IFT43: variants seen among roughly 807,000 people sequenced by gnomAD.
The protein encoded by IFT43 is intraflagellar transport protein 43 homolog.
IFT43 carries 33 observed loss-of-function variants against 32.3 expected under a neutral mutation model. That is an observed-to-expected ratio of 1.02 (90% confidence interval 0.77 to 1.37). IFT43 has a LOEUF of 1.37. Ranked by LOEUF, IFT43 falls within the 40% of genes most tolerant of loss-of-function variation. The pLI is 0.00. For synonymous variants in IFT43, 93 were observed against 98.2 expected, an observed-to-expected ratio of 0.95 and a Z score of 0.31; for missense variants, 274 against 265.9, an observed-to-expected ratio of 1.03 and a Z score of -0.21.
chr14:76,066,718 G>C (rs1172406907), intron 5 of IFT43, among the ~76,000 whole-genome samples: 1 of 152,198 alleles, frequency 6.6e-6, no homozygotes. Context: ...TCACATCCAG[G>C]CTCTTTGAGG....
chr14:76,031,362 A>G (rs1418186112), intron 3 of IFT43, among the ~76,000 whole-genome samples: 1 of 152,172 alleles, frequency 6.6e-6, no homozygotes, highest in Non-Finnish European at 1.5e-5. Context: ...TCGTATTCTA[A>G]ATCTTTGTAC....
At chr14:76,000,922 A>G (rs2035873015) in intron 2 of IFT43, among the ~76,000 whole-genome samples, 1 of 152,186 alleles carries the variant, frequency 6.6e-6, no homozygotes, top group African/African-American at 2.4e-5. Flanking sequence ...TGCCTTCAGG[A>G]TTTTCAAAGA....
intron 2 of IFT43, among the ~76,000 whole-genome samples, chr14:76,000,872 A>G (rs2035871898): frequency 6.6e-6 from 1 of 152,298 alleles, no homozygotes. Context: ...GTGAACAAGA[A>G]AGGATAATTA....
intron 3 of IFT43, among the ~76,000 whole-genome samples, chr14:76,039,994 C>T (rs2036677321): frequency 6.6e-6 from 1 of 152,166 alleles, no homozygotes. Flanking sequence ...ACTCTGTCAC[C>T]CAGGCTGGAG....
intron 2 of IFT43, among the ~76,000 whole-genome samples, chr14:75,999,189 TTA>T (rs1357990316): frequency 1.9e-5 from 2 of 104,868 alleles, no homozygotes; most frequent in African/African-American, 4.0e-5. Context: ...ATTCATTCAT[TTA>T]TATATATATA....
At chr14:76,075,604 C>T (rs1221640891) in intron 5 of IFT43, among the ~76,000 whole-genome samples, 4 of 152,220 alleles carry the variant, frequency 2.6e-5, no homozygotes, top group African/African-American at 9.6e-5. Context: ...CCATGAAATG[C>T]ATGGAGTGTC....
chr14:76,023,804 A>G (rs2036339624), intron 3 of IFT43, among the ~76,000 whole-genome samples: 1 of 152,222 alleles, frequency 6.6e-6, no homozygotes, highest in Admixed American at 6.5e-5. Context: ...ATTATGAAGA[A>G]TCTTCTTTAA....
intron 2 of IFT43, among the ~76,000 whole-genome samples, chr14:76,011,543 CATGTAATAT>C (rs2036085541): frequency 6.6e-6 from 1 of 152,202 alleles, no homozygotes; most frequent in Non-Finnish European, 1.5e-5. Flanking sequence ...CTGCAACTAG[CATGTAATAT>C]ATGGGTTGAT....
At chr14:76,007,346 A>C (rs2035998450) in intron 2 of IFT43, among the ~76,000 whole-genome samples, 1 of 152,160 alleles carries the variant, frequency 6.6e-6, no homozygotes, top group Non-Finnish European at 1.5e-5. Context: ...GTGGGGAATG[A>C]AGCCAGGCAT....
chr14:75,987,835 T>G (rs994287811), intron 1 of IFT43, among the ~76,000 whole-genome samples: 1 of 152,208 alleles, frequency 6.6e-6, no homozygotes, highest in African/African-American at 2.4e-5. Flanking sequence ...TGCTCTGATT[T>G]CCAAAGATAA....
chr14:76,076,566 G>T, intron 5 of IFT43: 1 of 1,613,654 alleles, frequency 6.2e-7, no homozygotes, highest in Non-Finnish European at 8.5e-7. Flanking sequence ...TGCAAGCTGA[G>T]TCCAATCTAA....
At chr14:76,059,066 G>C (rs1295210833) in intron 4 of IFT43, 1 of 1,427,600 alleles carries the variant, frequency 7.0e-7, no homozygotes, top group Non-Finnish European at 9.1e-7. Flanking sequence ...GGGCCACCCA[G>C]TTTCCTACTC....
rs148954383 is a variant in IFT43 at position 76,067,422 on chromosome 14, T to C, written c.295+8049T>C. 2.6e-5 allele frequency among the ~76,000 whole-genome samples: 4 copies of C among 151,488 alleles called. No individual in the cohort carries two copies. In the East Asian group the frequency reaches 7.7e-4, roughly 29 times the overall value. ...CTCTACTAAAAATTAAAAAAAAAAT[T>C]AGTCGTGTGTGGTGGTGCACGCCTG... On this transcript the variant is annotated intron_variant, in intron 5 of 8. Transcript: ENST00000314067.
intron 2 of IFT43, among the ~76,000 whole-genome samples, chr14:75,997,060 G>A (rs1182201974): frequency 6.6e-6 from 1 of 152,216 alleles, no homozygotes; most frequent in Non-Finnish European, 1.5e-5. Flanking sequence ...CAAAAAGGTG[G>A]TCCAGGAAGA....
At chr14:76,083,813 G>C, downstream of IFT43, 1 of 663,226 alleles carries the variant, frequency 1.5e-6, no homozygotes. Context: ...TTTTAAACCA[G>C]CTGATAGGAA....
intron 2 of IFT43, among the ~76,000 whole-genome samples, chr14:76,005,255 C>G (rs191923266): frequency 6.6e-6 from 1 of 152,314 alleles, no homozygotes; most frequent in East Asian, 1.9e-4. Context: ...TGTGGATCAC[C>G]TTAAACTTGT....
intron 2 of IFT43, among the ~76,000 whole-genome samples, chr14:75,990,550 T>C (rs1255657256): frequency 6.6e-6 from 1 of 152,154 alleles, no homozygotes; most frequent in African/African-American, 2.4e-5. Context: ...TTGCGCAGGA[T>C]GAGGTGGGGT....
intron 2 of IFT43, among the ~76,000 whole-genome samples, chr14:76,011,892 T>C (rs987386694): frequency 2.6e-5 from 4 of 152,290 alleles, no homozygotes; most frequent in African/African-American, 7.2e-5. Flanking sequence ...ATGCCAGCCC[T>C]GAAGCGTATG....
intron 5 of IFT43, among the ~76,000 whole-genome samples, chr14:76,062,629 TAAGTC>T (rs1289476740): frequency 6.6e-6 from 1 of 151,958 alleles, no homozygotes; most frequent in African/African-American, 2.4e-5. Context: ...GAAAATGCGT[TAAGTC>T]AGTCAGGCGC....
Sources: gnomAD v4.1 joint callset for allele counts (sites outside exome capture counted in the v4.1 genomes callset) on GRCh38, gnomAD v4.1.1 for gene constraint, MANE v1.5 for transcripts, NCBI Gene and HGNC (gene_info 2026-07-23, HGNC 2026-07-21) for gene names.